The following RALYL variants were observed in gnomAD, a reference collection of about 807,000 sequenced individuals.
RALYL encodes the protein RNA-binding Raly-like protein.
In RALYL, 29 loss-of-function variants were observed where a neutral mutation model predicts 35.1. The ratio of observed to expected loss-of-function variants is 0.83; its 90% confidence interval spans 0.61 to 1.13. RALYL has a LOEUF of 1.13. Among genes scored for constraint, RALYL ranks in the 50% most tolerant of loss-of-function variants. The probability of loss-of-function intolerance (pLI) is 0.00; values close to 1 mark genes in which losing one functional copy is unlikely to be tolerated. For missense variants in RALYL, 359 were observed against 360.4 expected (o/e 1.00, Z 0.03); for synonymous variants, 120 against 127.6 (o/e 0.94, Z 0.40).
intron 1 of RALYL, among the ~76,000 whole-genome samples, chr8:84,410,415 A>C (rs923621643): frequency 1.3e-5 from 2 of 151,962 alleles, no homozygotes; most frequent in Non-Finnish European, 2.9e-5. Context: ...TAAATGATTT[A>C]ATTAATATAA....
chr8:84,749,419 C>A (rs1285299963), intron 2 of RALYL, among the ~76,000 whole-genome samples: 3 of 152,138 alleles, frequency 2.0e-5, no homozygotes, highest in African/African-American at 7.2e-5. Flanking sequence ...ATTTGTTTCA[C>A]AAGTCACTTG....
chr8:84,257,847 T>G (rs1831487323), intron 1 of RALYL, among the ~76,000 whole-genome samples: 1 of 152,194 alleles, frequency 6.6e-6, no homozygotes, highest in Non-Finnish European at 1.5e-5. Flanking sequence ...TATTTAAAAC[T>G]TATTTGCTAT....
chr8:84,687,352 A>G (rs980614712), intron 2 of RALYL, among the ~76,000 whole-genome samples: 2 of 152,072 alleles, frequency 1.3e-5, no homozygotes, highest in African/African-American at 4.8e-5. Context: ...TGAGTATTGT[A>G]TATCTGTACT....
At chr8:84,400,312 CA>C (rs1293707150) in intron 1 of RALYL, among the ~76,000 whole-genome samples, 4 of 152,046 alleles carry the variant, frequency 2.6e-5, no homozygotes, top group Non-Finnish European at 1.5e-5. Flanking sequence ...TGTGACCTGT[CA>C]CTTGAGGTCA....
intron 1 of RALYL, among the ~76,000 whole-genome samples, chr8:84,479,833 C>G (rs2133864875): frequency 6.6e-6 from 1 of 152,242 alleles, no homozygotes; most frequent in East Asian, 1.9e-4. Context: ...GGGTAGATTA[C>G]AGAATCTACC....
intron 4 of RALYL, 88 bp downstream of exon 4, chr8:84,804,890 T>A: frequency 1.4e-6 from 1 of 707,968 alleles, no homozygotes; most frequent in Non-Finnish European, 1.9e-6. Flanking sequence ...TCATTTAACA[T>A]CATATTCAAA....
At chr8:84,683,747 C>T (rs537978667) in intron 2 of RALYL, among the ~76,000 whole-genome samples, 1 of 152,158 alleles carries the variant, frequency 6.6e-6, no homozygotes, top group Admixed American at 6.5e-5. Flanking sequence ...AGTGCAGTGG[C>T]ACAATCCCGG....
At chr8:84,859,184 C>A (rs1837622781) in intron 5 of RALYL, among the ~76,000 whole-genome samples, 1 of 152,020 alleles carries the variant, frequency 6.6e-6, no homozygotes, top group Non-Finnish European at 1.5e-5. Context: ...TTGGCATACA[C>A]CCTATGTATA....
At chr8:84,612,987 T>C (rs1353287935) in intron 2 of RALYL, among the ~76,000 whole-genome samples, 1 of 151,654 alleles carries the variant, frequency 6.6e-6, no homozygotes, top group Non-Finnish European at 1.5e-5. Context: ...ACTCTTCCCT[T>C]TGAAGGTGGT....
chr8:84,702,437 C>T (rs1426260903), intron 2 of RALYL, among the ~76,000 whole-genome samples: 1 of 152,074 alleles, frequency 6.6e-6, no homozygotes, highest in Non-Finnish European at 1.5e-5. Context: ...AAAGTTTCCC[C>T]ATTTTCAAAA....
At chr8:84,550,468 A>G (rs1191497383) in intron 2 of RALYL, among the ~76,000 whole-genome samples, 1 of 152,114 alleles carries the variant, frequency 6.6e-6, no homozygotes, top group Non-Finnish European at 1.5e-5. Context: ...TATTGAAAAT[A>G]TTTATAAGTT....
At chr8:84,479,624 T>C (rs1293455121) in intron 1 of RALYL, among the ~76,000 whole-genome samples, 1 of 152,208 alleles carries the variant, frequency 6.6e-6, no homozygotes, top group Admixed American at 6.5e-5. Flanking sequence ...TTGGTATATC[T>C]AATAATTATT....
At chr8:84,719,428 A>G (rs1390619559) in intron 2 of RALYL, among the ~76,000 whole-genome samples, 1 of 152,134 alleles carries the variant, frequency 6.6e-6, no homozygotes, top group Middle Eastern at 3.2e-3. Context: ...TTTTGTTCTC[A>G]GGTTTTGGAG....
intron 1 of RALYL, among the ~76,000 whole-genome samples, chr8:84,429,708 C>T (rs1378272586): frequency 6.6e-6 from 1 of 151,942 alleles, no homozygotes; most frequent in Non-Finnish European, 1.5e-5. Context: ...TTTTGATGTG[C>T]TAGAAGAGGC....
intron 2 of RALYL, among the ~76,000 whole-genome samples, chr8:84,622,972 T>G (rs1291603169): frequency 6.6e-6 from 1 of 152,210 alleles, no homozygotes. Context: ...TGTAACATTT[T>G]CAGTGACTAT....
At chr8:84,833,636 C>T (rs1420102897) in intron 4 of RALYL, among the ~76,000 whole-genome samples, 7 of 135,484 alleles carry the variant, frequency 5.2e-5, no homozygotes, top group South Asian at 2.2e-4. Context: ...AGCATGACTT[C>T]GTCTCAAAAA....
chr8:84,415,177 A>G (rs1241538019), intron 1 of RALYL, among the ~76,000 whole-genome samples: 1 of 136,558 alleles, frequency 7.3e-6, no homozygotes, highest in Non-Finnish European at 1.6e-5. Flanking sequence ...TTTTTTTTTA[A>G]TGGAAGTTAT....
chr8:84,887,331 T>C (rs1173739807), intron 7 of RALYL, among the ~76,000 whole-genome samples: 1 of 152,190 alleles, frequency 6.6e-6, no homozygotes, highest in African/African-American at 2.4e-5. Flanking sequence ...TCTGTTTATG[T>C]AAATCTTACT....
intron 3 of RALYL, among the ~76,000 whole-genome samples, chr8:84,784,197 C>T (rs1818848306): frequency 6.6e-6 from 1 of 152,182 alleles, no homozygotes; most frequent in South Asian, 2.1e-4. Context: ...ACACAGTCTT[C>T]ACACATGCAG....
Sources: allele counts gnomAD v4.1 joint callset (sites outside exome capture counted in the v4.1 genomes callset), GRCh38; gene constraint gnomAD v4.1.1; transcripts MANE v1.5; gene names NCBI Gene and HGNC (gene_info 2026-07-23, HGNC 2026-07-21).